The following MAP3K3 variants were observed in gnomAD, a reference collection of about 807,000 sequenced individuals.
The protein encoded by MAP3K3 is MAP/ERK kinase kinase 3.
MAP3K3 carries 12 observed loss-of-function variants against 80.9 expected under a neutral mutation model. The observed-to-expected ratio is 0.15, with a 90% CI of 0.10 to 0.24. The LOEUF is 0.24. Ranked by LOEUF, MAP3K3 falls within the 10% of genes least tolerant of loss-of-function variation. MAP3K3 has a pLI of 1.00. For missense variants in MAP3K3, 596 were observed against 834.7 expected, an observed-to-expected ratio of 0.71 and a Z score of 3.52; for synonymous variants, 272 against 307.1, an observed-to-expected ratio of 0.89 and a Z score of 1.19.
chr17:63,690,786 T>A (rs2035569886), intron 12 of MAP3K3, among the ~76,000 whole-genome samples: 1 of 152,176 alleles, frequency 6.6e-6, no homozygotes, highest in African/African-American at 2.4e-5. Flanking sequence ...AGGAATCATA[T>A]GGCCTGTCTT....
chr17:63,637,360 G>T (rs2034351024), intron 2 of MAP3K3, among the ~76,000 whole-genome samples: 2 of 152,148 alleles, frequency 1.3e-5, no homozygotes, highest in African/African-American at 4.8e-5. Flanking sequence ...ATTGAGTAGA[G>T]GCAGGAAGTA....
chr17:63,658,125 T>A (rs1283873293), intron 5 of MAP3K3, among the ~76,000 whole-genome samples: 1 of 152,228 alleles, frequency 6.6e-6, no homozygotes, highest in Non-Finnish European at 1.5e-5. Flanking sequence ...TAAAGGTTAT[T>A]TGACTTTTGG....
At chr17:63,647,583 G>A (rs1377801689) in intron 3 of MAP3K3, among the ~76,000 whole-genome samples, 2 of 152,156 alleles carry the variant, frequency 1.3e-5, no homozygotes, top group Non-Finnish European at 2.9e-5. Context: ...AGGCAGGAAT[G>A]GCCTTCTGAA....
Position 63,691,728 on chromosome 17 carries a change from T to C in MAP3K3, c.1345-5T>C, listed in dbSNP as rs369727274. Reference sequence around the variant, plus strand: ...GGGACTCCTCTGACTTCTTGTGGCCTCCAGGGCTCGGTGAAAGACCAGTTG... The same window carrying C: ...GGGACTCCTCTGACTTCTTGTGGCCCCCAGGGCTCGGTGAAAGACCAGTTG... On this transcript the variant is annotated splice_region_variant and splice_polypyrimidine_tract_variant and intron_variant, in intron 13 of 15. Transcript: ENST00000361733. The surrounding 1 kb of genome is among the most constrained non-coding windows in gnomAD (Gnocchi z 4.8). The C allele has an allele frequency of 6.2e-6, 10 of 1,612,844 alleles. No individual in the cohort carries two copies. In the African/African-American group the frequency reaches 9.3e-5, roughly 15 times the overall value.
chr17:63,658,943 TC>T (rs2034828734), intron 5 of MAP3K3, among the ~76,000 whole-genome samples: 1 of 151,908 alleles, frequency 6.6e-6, no homozygotes, highest in South Asian at 2.1e-4. Flanking sequence ...ACCATGTTCG[TC>T]AGGCTGGTCT....
In MAP3K3 at chr17:63,652,659, G is replaced by A. The variant is rs2034681526; in HGVS notation, c.267+3G>A. 2.6e-5 allele frequency: 42 copies of A among 1,600,868 alleles called. No homozygotes were observed. Among genetic ancestry groups the A allele is most frequent in the Non-Finnish European group, 3.4e-5 (40 of 1,168,142 alleles). ...ATCTACATTACATGAACAATGAGGT[G>A]AGAAGGCAGATGGATGGGGCAGGGA... On this transcript the variant is annotated splice_donor_region_variant and intron_variant, in intron 4 of 15. Transcript: ENST00000361733.
intron 2 of MAP3K3, among the ~76,000 whole-genome samples, chr17:63,643,257 C>G (rs1171725340): frequency 6.6e-6 from 1 of 151,898 alleles, no homozygotes; most frequent in Non-Finnish European, 1.5e-5. Context: ...GTAATCCCAG[C>G]ACTTTGGGAG....
chr17:63,692,865 C>A lies in MAP3K3; in HGVS notation c.1652+446C>A, dbSNP rs960163444. On this transcript the variant is annotated intron_variant, in intron 15 of 15. Transcript: ENST00000361733. This position sits in a 1 kb window ranked among gnomAD's most constrained non-coding sequence, Gnocchi z 4.5. ...GTGGTGGGCTGAATAATGGCCCCCC[C>A]AAAGATGTCCACTGCCTAATCCCTG... Among the ~76,000 whole-genome samples, 2 of 152,190 alleles carry A rather than the reference C, an allele frequency of 1.3e-5. No homozygotes were observed. The highest frequency in any genetic ancestry group is 2.1e-4 in the South Asian group (1 of 4,832).
At chr17:63,679,983 AAGACT>A (rs1241885300) in intron 6 of MAP3K3, among the ~76,000 whole-genome samples, 1 of 152,184 alleles carries the variant, frequency 6.6e-6, no homozygotes, top group Non-Finnish European at 1.5e-5. Flanking sequence ...CCAGGAGCTC[AAGACT>A]AGCCTGGGCA....
intron 6 of MAP3K3, among the ~76,000 whole-genome samples, chr17:63,670,278 A>G (rs2035077665): frequency 6.6e-6 from 1 of 151,610 alleles, no homozygotes; most frequent in Non-Finnish European, 1.5e-5. Flanking sequence ...GTGGTGCTGC[A>G]GGTGGGCTAT....
In MAP3K3 at chr17:63,690,972, C is replaced by G. The variant is rs761353185; in HGVS notation, c.1213-130C>G. ...CCAAGAGCTAGACAGTTAAGAGAGT[C>G]CCCCTTTTCTCCAACTGCAGTTCCC... On this transcript the variant is annotated intron_variant, in intron 12 of 15. Coordinates refer to ENST00000361733, the MANE Select transcript of MAP3K3 (RefSeq NM_002401.5). The G allele has an allele frequency of 9.3e-6, 10 of 1,069,916 alleles. No individual in the cohort carries two copies. The South Asian group carries it at 1.5e-4, about 16-fold the overall frequency. 66.3% of individuals were successfully genotyped at this position (1,069,916 alleles called of 1,614,324 possible).
intron 2 of MAP3K3, among the ~76,000 whole-genome samples, chr17:63,644,263 G>A (rs1250857851): frequency 1.3e-5 from 2 of 152,276 alleles, no homozygotes; most frequent in African/African-American, 4.8e-5. Flanking sequence ...CACCCAGACT[G>A]GAGTGCAACA....
In MAP3K3 at chr17:63,691,644, C is replaced by T. The variant is rs1330421322; in HGVS notation, c.1345-89C>T. On this transcript the variant is annotated intron_variant, in intron 13 of 15. Coordinates refer to ENST00000361733, the MANE Select transcript of MAP3K3 (RefSeq NM_002401.5). This position sits in a 1 kb window ranked among gnomAD's most constrained non-coding sequence, Gnocchi z 4.8. ...CCAGATAGGAATTGAACAAATCACTCCTTTGCTGCCATGCTGGGGGCTGGA... is the reference window on the plus strand; with the variant it reads ...CCAGATAGGAATTGAACAAATCACTTCTTTGCTGCCATGCTGGGGGCTGGA... 9 of 1,531,712 alleles carry T rather than the reference C, an allele frequency of 5.9e-6. No individual in the cohort carries two copies. The African/African-American group carries it at 1.2e-4, about 21-fold the overall frequency. The allele number at this position is 1,531,712 out of a possible 1,614,324, so 94.9% of individuals were successfully genotyped here.
chr17:63,643,789 G>A (rs576069325), intron 2 of MAP3K3, among the ~76,000 whole-genome samples: 239 of 152,272 alleles, frequency 1.6e-3, no homozygotes, highest in South Asian at 0.011. Context: ...GGAAGCTGGA[G>A]ACCACACATC....
chr17:63,681,063 A>G (rs1347178962), intron 6 of MAP3K3, among the ~76,000 whole-genome samples: 1 of 151,350 alleles, frequency 6.6e-6, no homozygotes, highest in Non-Finnish European at 1.5e-5. Flanking sequence ...GCAAGATAAT[A>G]TCATTACTCA....
chr17:63,661,382 G>A (rs540868255), intron 5 of MAP3K3, among the ~76,000 whole-genome samples: 1 of 152,254 alleles, frequency 6.6e-6, no homozygotes, highest in Admixed American at 6.5e-5. Context: ...TCTAGCCTTG[G>A]TCTCTACCAT....
intron 5 of MAP3K3, among the ~76,000 whole-genome samples, chr17:63,664,315 A>G (rs1177601207): frequency 1.3e-5 from 2 of 152,120 alleles, no homozygotes; most frequent in East Asian, 1.9e-4. Flanking sequence ...AATTTAATTA[A>G]ATCACCTCAG....
rs1370291456 is a variant in MAP3K3, at chr17:63,693,173, A to G, written c.1653-376A>G. ...AGGAACCAGCCCTGCCGCCACCTTGACTTTAGCCCTGTGAGACTGATTTTA... is the reference window on the plus strand; with the variant it reads ...AGGAACCAGCCCTGCCGCCACCTTGGCTTTAGCCCTGTGAGACTGATTTTA... On this transcript the variant is annotated intron_variant, in intron 15 of 15. Coordinates refer to ENST00000361733, the MANE Select transcript of MAP3K3 (RefSeq NM_002401.5). This position sits in a 1 kb window ranked among gnomAD's most constrained non-coding sequence, Gnocchi z 4.2. Among the ~76,000 whole-genome samples the G allele has an allele frequency of 1.3e-5, 2 of 152,154 alleles. No individual in the cohort carries two copies. Among genetic ancestry groups the G allele is most frequent in the Admixed American group, 1.3e-4 (2 of 15,276 alleles).
chr17:63,644,902 G>T (rs2034512070), intron 2 of MAP3K3, among the ~76,000 whole-genome samples: 1 of 151,830 alleles, frequency 6.6e-6, no homozygotes, highest in African/African-American at 2.4e-5. Flanking sequence ...TCTATTATTT[G>T]CTGGTTTCCT....
Sources: allele counts gnomAD v4.1 joint callset (sites outside exome capture counted in the v4.1 genomes callset), GRCh38; gene constraint gnomAD v4.1.1; non-coding constraint Gnocchi (gnomAD v3.1); transcripts MANE v1.5; gene names NCBI Gene and HGNC (gene_info 2026-07-23, HGNC 2026-07-21).